The following PPP1R21 variants were observed in gnomAD, a reference collection of about 807,000 sequenced individuals.
The protein encoded by PPP1R21 is KLRAQ motif containing 1.
In PPP1R21, 85 loss-of-function variants were observed where a neutral mutation model predicts 112.8. The ratio of observed to expected loss-of-function variants is 0.75; its 90% CI spans 0.63 to 0.90. The LOEUF (loss-of-function observed/expected upper bound fraction) is 0.90. Ranked by LOEUF, PPP1R21 falls within the 40% of genes least tolerant of loss-of-function variation. PPP1R21 has a pLI of 0.00. For missense variants in PPP1R21, 1,199 were observed against 901.5 expected (o/e 1.33, Z -4.23); for synonymous variants, 381 against 322.3 (o/e 1.18, Z -1.95).
intron 19 of PPP1R21, among the ~76,000 whole-genome samples, chr2:48,509,451 A>C (rs1415459330): frequency 6.6e-6 from 1 of 151,966 alleles, no homozygotes; most frequent in African/African-American, 2.4e-5. Context: ...CACACCTGTA[A>C]TCCCAGCACT....
At chr2:48,451,922 G>C (rs1375864780) in intron 2 of PPP1R21, among the ~76,000 whole-genome samples, 1 of 152,130 alleles carries the variant, frequency 6.6e-6, no homozygotes, top group Non-Finnish European at 1.5e-5. Context: ...GTAGTCAGTT[G>C]TTGGATCCTA....
At chr2:48,458,261 A>G (rs1332328747) in intron 4 of PPP1R21, 34 bp downstream of exon 4, 1 of 1,434,512 alleles carries the variant, frequency 7.0e-7, no homozygotes, top group Non-Finnish European at 9.8e-7. Context: ...TGAATTAAAA[A>G]ATGGGTCTGT....
At chr2:48,490,994 A>G (rs764994766) in intron 14 of PPP1R21, 24 bp from the exon 15 acceptor site, 30 of 1,606,484 alleles carry the variant, frequency 1.9e-5, no homozygotes, top group South Asian at 1.5e-4. Context: ...AACAAAATCT[A>G]TTTCCTTGTC....
At chr2:48,499,047 T>A (rs1408589571) in intron 17 of PPP1R21, among the ~76,000 whole-genome samples, 2 of 150,912 alleles carry the variant, frequency 1.3e-5, no homozygotes, top group Non-Finnish European at 3.0e-5. Context: ...GTAAGGGTAT[T>A]AATCCTATTA....
chr2:48,470,999 G>A (rs1372305221), intron 9 of PPP1R21, 88 bp from the exon 10 acceptor site: 1 of 905,392 alleles, frequency 1.1e-6, no homozygotes, highest in Non-Finnish European at 1.8e-6. Context: ...TACAATTTAG[G>A]TTTATAATTT....
rs1047656644 is a variant in PPP1R21 at position 48,497,388 on chromosome 2, G to A, written c.1693-1105G>A. ...TACCTTAAAAATTATTAGGACCTTA[G>A]AAGCCTTCCTCATGCCCATTTCCAG... is the stretch of plus-strand genomic sequence containing the variant. On this transcript the variant is annotated intron_variant, in intron 16 of 21. Transcript: ENST00000294952. 2.0e-5 allele frequency among the ~76,000 whole-genome samples: 3 copies of A among 152,136 alleles called. No individual in the cohort carries two copies. In the South Asian group the frequency reaches 6.2e-4, roughly 32 times the overall value.
At chr2:48,469,278 T>TGTGTGG in intron 9 of PPP1R21, among the ~76,000 whole-genome samples, 1 of 41,538 alleles carries the variant, frequency 2.4e-5, no homozygotes, top group African/African-American at 8.8e-5. Context: ...TGTGTGTGTG[T>TGTGTGG]GTGTGTGTGT....
chr2:48,483,151 G>A (rs368812864), intron 13 of PPP1R21, among the ~76,000 whole-genome samples: 3 of 145,638 alleles, frequency 2.1e-5, no homozygotes, highest in East Asian at 2.0e-4. Context: ...GTTCTATGAC[G>A]TATACGTACT....
chr2:48,466,485 C>T (rs1668210322), intron 9 of PPP1R21, among the ~76,000 whole-genome samples: 1 of 152,056 alleles, frequency 6.6e-6, no homozygotes, highest in Non-Finnish European at 1.5e-5. Context: ...CCTCAGCCTC[C>T]CAAAGTGCTG....
In PPP1R21 at chr2:48,495,751, C is replaced by T. The variant is rs1308724186; in HGVS notation, c.1672C>T (p.Arg558Ter). The T allele has an allele frequency of 2.5e-6, 4 of 1,606,062 alleles. No individual in the cohort carries two copies. The highest frequency in any genetic ancestry group is 1.7e-6 in the Non-Finnish European group (2 of 1,172,706). The change falls in exon 16 of 22, where the codon CGA becomes TGA. Residue 558 changes from arginine to a stop codon, truncating the protein, a stop_gained. Coordinates refer to ENST00000294952, the MANE Select transcript of PPP1R21 (RefSeq NM_001135629.3). LOFTEE classifies it high-confidence loss of function. Reference protein sequence around the residue: ...RRILLSSTESREGLAQQVQQS... With the variant: ...RRILLSSTES Reference sequence around the variant, plus strand: ...CATCCTTCTCAGCTCTACTGAAAGTCGAGAAGGCCTTGCACAGCAAGTATG... The same window carrying T: ...CATCCTTCTCAGCTCTACTGAAAGTTGAGAAGGCCTTGCACAGCAAGTATG...
chr2:48,515,163 C>T lies in PPP1R21; in HGVS notation c.*419C>T, dbSNP rs1026107220. On this transcript the variant is annotated 3_prime_UTR_variant, in exon 22 of 22. Transcript: ENST00000294952. ...TTAAATTGTCAAACTGTCATTACTT[C>T]TTATTATAGTTGAAGGCATTCTCCA... 1 of 152,452 alleles carries T rather than the reference C, an allele frequency of 6.6e-6. No individual in the cohort carries two copies. 9.4% of individuals were successfully genotyped at this position (152,452 alleles called of 1,614,324 possible). A position where few individuals can be genotyped will look rare whatever the true frequency, so the allele number is the denominator to read the frequency against.
In PPP1R21 at chr2:48,454,608, T is replaced by C; in HGVS notation, c.140T>C (p.Met47Thr). 1 of 1,614,086 alleles carries C rather than the reference T, an allele frequency of 6.2e-7. No homozygotes were observed. Among genetic ancestry groups the C allele is most frequent in the Non-Finnish European group, 8.5e-7 (1 of 1,179,994 alleles). Residue 47 changes from methionine (M) to threonine (T), a missense_variant, in exon 3 of 22, where the codon ATG becomes ACG. Physicochemically the swap from Met to Thr is moderately conservative, Grantham distance 81 (BLOSUM62 -1). Coordinates refer to ENST00000294952, the MANE Select transcript of PPP1R21 (RefSeq NM_001135629.3). ...NSAALKEQLK[M>T]KDQSLRKLQQ... ...ACTTTGATATAGGAGCAACTGAAAA[T>C]GAAGGATCAGTCATTGAGAAAACTA...
At chr2:48,458,320 C>A in intron 4 of PPP1R21, 93 bp downstream of exon 4, 1 of 742,958 alleles carries the variant, frequency 1.3e-6, no homozygotes, top group Non-Finnish European at 2.4e-6. Flanking sequence ...TTTGTGTCTG[C>A]GTGGGTATTT....
intron 12 of PPP1R21, among the ~76,000 whole-genome samples, chr2:48,476,009 A>G (rs1668737206): frequency 6.6e-6 from 1 of 152,160 alleles, no homozygotes; most frequent in Non-Finnish European, 1.5e-5. Context: ...AGTGGTTTTT[A>G]GTATATTCAC....
intron 12 of PPP1R21, chr2:48,479,366 G>T (rs1401334340): frequency 2.5e-6 from 1 of 407,528 alleles, no homozygotes; most frequent in African/African-American, 2.1e-5. Context: ...AAATACCGTA[G>T]CCTCTCACTG....
At chr2:48,449,261 T>A (rs977598629) in intron 1 of PPP1R21, among the ~76,000 whole-genome samples, 4 of 152,190 alleles carry the variant, frequency 2.6e-5, no homozygotes, top group African/African-American at 9.7e-5. Flanking sequence ...ATTTTATAGT[T>A]TAGAAAGTGC....
chr2:48,506,912 C>T (rs1345786208), intron 18 of PPP1R21, among the ~76,000 whole-genome samples: 2 of 146,974 alleles, frequency 1.4e-5, no homozygotes, highest in East Asian at 2.0e-4. Context: ...CGCCACTGCA[C>T]TCCAGCCTGG....
At chr2:48,468,829 A>ATGTATGTG (rs1553339042) in intron 9 of PPP1R21, among the ~76,000 whole-genome samples, 1 of 146,542 alleles carries the variant, frequency 6.8e-6, no homozygotes, top group Middle Eastern at 3.5e-3. Flanking sequence ...AAAAAAATGT[A>ATGTATGTG]TGTGTGTGTG....
At chr2:48,499,132 TG>T (rs201005124) in intron 17 of PPP1R21, among the ~76,000 whole-genome samples, 20 of 126,826 alleles carry the variant, frequency 1.6e-4, no homozygotes, top group African/African-American at 4.2e-4. Flanking sequence ...ATATTGGGGG[TG>T]GGGGGGGACA....
Sources: allele counts gnomAD v4.1 joint callset (sites outside exome capture counted in the v4.1 genomes callset), GRCh38; gene constraint gnomAD v4.1.1; transcripts MANE v1.5; gene names NCBI Gene and HGNC (gene_info 2026-07-23, HGNC 2026-07-21).